The following RFTN1 variants were observed in gnomAD, a reference collection of about 807,000 sequenced individuals.
The protein encoded by RFTN1 is raftlin.
In RFTN1, 26 loss-of-function variants were observed where a neutral mutation model predicts 46.5. The ratio of observed to expected loss-of-function variants is 0.56; its 90% CI spans 0.41 to 0.78. RFTN1 has a LOEUF of 0.78. Among genes scored for constraint, RFTN1 ranks in the 30% least tolerant of loss-of-function variants. The pLI is 0.00. For synonymous variants in RFTN1, 261 were observed against 284.2 expected, an observed-to-expected ratio of 0.92 and a Z score of 0.82; for missense variants, 693 against 718.7, an observed-to-expected ratio of 0.96 and a Z score of 0.41.
intron 4 of RFTN1, among the ~76,000 whole-genome samples, 185 bp from the exon 5 acceptor site, chr3:16,378,287 C>T (rs528839484): frequency 6.6e-6 from 1 of 152,346 alleles, no homozygotes; most frequent in Admixed American, 6.5e-5. Context: ...CTGAAGAAGA[C>T]AGTTTTTTTA....
intron 3 of RFTN1, among the ~76,000 whole-genome samples, chr3:16,431,888 C>T (rs149907232): frequency 5.3e-5 from 8 of 152,316 alleles, no homozygotes; most frequent in African/African-American, 9.6e-5. Context: ...GAACTCAGCA[C>T]GTGCTTCATG....
chr3:16,392,207 G>T (rs1054283482), intron 4 of RFTN1, among the ~76,000 whole-genome samples: 2 of 152,136 alleles, frequency 1.3e-5, no homozygotes, highest in African/African-American at 2.4e-5. Context: ...TATGTGGGTT[G>T]TAATTCTGTC....
rs2073755782 is a variant in RFTN1, at chr3:16,376,016, T to C, written c.826+1702A>G. Among the ~76,000 whole-genome samples, 1 of 151,788 alleles carries C rather than the reference T, an allele frequency of 6.6e-6. No individual in the cohort carries two copies. Among genetic ancestry groups the C allele is most frequent in the Non-Finnish European group, 1.5e-5 (1 of 67,776 alleles). On this transcript the variant is annotated intron_variant, in intron 5 of 9. Transcript: ENST00000334133. This position sits in a 1 kb window ranked among gnomAD's most constrained non-coding sequence, Gnocchi z 4.7. ...GACAAGTTTCCCCAGTGAATAATCCTCTCACAGGAGGCAGGAAGTCTGGAA... is the reference window on the plus strand; with the variant it reads ...GACAAGTTTCCCCAGTGAATAATCCCCTCACAGGAGGCAGGAAGTCTGGAA...
intron 7 of RFTN1, among the ~76,000 whole-genome samples, chr3:16,333,532 GA>G (rs1187424299): frequency 6.6e-6 from 1 of 152,162 alleles, no homozygotes. Context: ...AAAAGAAATA[GA>G]TGCCTGTGTC....
intron 3 of RFTN1, among the ~76,000 whole-genome samples, chr3:16,412,330 T>G (rs188117486): frequency 6.6e-6 from 1 of 152,288 alleles, no homozygotes; most frequent in Admixed American, 6.5e-5. Context: ...CTAAACCCCT[T>G]GAGGACAGAT....
chr3:16,358,071 G>A (rs754874296), intron 6 of RFTN1, 24 bp from the exon 7 acceptor site: 3 of 1,307,020 alleles, frequency 2.3e-6, no homozygotes, highest in Non-Finnish European at 3.3e-6. Flanking sequence ...AAAAGGCGGG[G>A]GTGGGGGGGG....
intron 2 of RFTN1, 43 bp from the exon 3 acceptor site, chr3:16,434,080 C>T (rs115337402): frequency 2.9e-5 from 43 of 1,496,426 alleles, no homozygotes; most frequent in African/African-American, 5.6e-5. Context: ...CCCATCACAA[C>T]GCCCACTCAG....
At chr3:16,454,413 C>A (rs540363744) in intron 2 of RFTN1, among the ~76,000 whole-genome samples, 1 of 152,134 alleles carries the variant, frequency 6.6e-6, no homozygotes, top group South Asian at 2.1e-4. Context: ...CCAGGCTATC[C>A]CCAGATCTAC....
intron 7 of RFTN1, among the ~76,000 whole-genome samples, chr3:16,357,128 ACAAAAAAAC>A (rs1466366065): frequency 6.8e-5 from 6 of 88,376 alleles, no homozygotes; most frequent in South Asian, 3.0e-4. Flanking sequence ...AAAAAAAAAA[ACAAAAAAAC>A]AAACAAACAA....
At chr3:16,332,934 T>C (rs2070473381) in intron 7 of RFTN1, among the ~76,000 whole-genome samples, 1 of 152,206 alleles carries the variant, frequency 6.6e-6, no homozygotes, top group African/African-American at 2.4e-5. Flanking sequence ...TATTGAACCA[T>C]TGCCCATAAG....
chr3:16,368,771 C>T (rs556905300), intron 6 of RFTN1, among the ~76,000 whole-genome samples: 14 of 152,148 alleles, frequency 9.2e-5, no homozygotes, highest in African/African-American at 3.1e-4. Context: ...GTTATTTAAA[C>T]TTAATGAAAG....
At chr3:16,482,984 T>C in intron 2 of RFTN1, 1 of 633,052 alleles carries the variant, frequency 1.6e-6, no homozygotes, top group South Asian at 2.0e-5. Flanking sequence ...GCCTCCCTTC[T>C]AGCCATCCAC....
In RFTN1 at chr3:16,484,296, C is replaced by G. The variant is rs1333233979; in HGVS notation, c.145+9429G>C. Among the ~76,000 whole-genome samples the G allele has an allele frequency of 6.6e-6, 1 of 152,206 alleles. No individual in the cohort carries two copies. Among genetic ancestry groups the G allele is most frequent in the African/African-American group, 2.4e-5 (1 of 41,444 alleles). On this transcript the variant is annotated intron_variant, in intron 2 of 9. Coordinates refer to ENST00000334133, the MANE Select transcript of RFTN1 (RefSeq NM_015150.2). The surrounding 1 kb of genome is among the most constrained non-coding windows in gnomAD (Gnocchi z 4.6). ...AGTTGTGTGTCAGACTAACACCCCC[C>G]AGACTGGAGGTCAAAGAAAAACTGG...
rs182503430 is a variant in RFTN1, at chr3:16,425,853, G to T, written c.332+7998C>A. On this transcript the variant is annotated intron_variant, in intron 3 of 9. Transcript: ENST00000334133. This position sits in a 1 kb window ranked among gnomAD's most constrained non-coding sequence, Gnocchi z 4.3. ...TTGGTGATGCTGGACAGCTCCTCAG[G>T]GGGTACGGTGGCAGCCCGGAGAGCT... is the stretch of plus-strand genomic sequence containing the variant. Among the ~76,000 whole-genome samples, 4 of 152,224 alleles carry T rather than the reference G, an allele frequency of 2.6e-5. No individual in the cohort carries two copies. Among genetic ancestry groups the T allele is most frequent in the African/African-American group, 9.6e-5 (4 of 41,548 alleles).
chr3:16,438,541 T>G (rs1447263814), intron 2 of RFTN1, among the ~76,000 whole-genome samples: 1 of 117,056 alleles, frequency 8.5e-6, no homozygotes, highest in African/African-American at 3.3e-5. Flanking sequence ...GCTGAAATCG[T>G]GCCACTGCAC....
At chr3:16,405,336 C>T (rs1266658937) in intron 4 of RFTN1, among the ~76,000 whole-genome samples, 1 of 152,172 alleles carries the variant, frequency 6.6e-6, no homozygotes, top group East Asian at 1.9e-4. Context: ...CAAGTCTGCC[C>T]ATAGCTCTGC....
rs375712661 is a variant in RFTN1, at chr3:16,442,106, C to A, written c.146-8069G>T. On this transcript the variant is annotated intron_variant, in intron 2 of 9. Transcript: ENST00000334133. This position sits in a 1 kb window ranked among gnomAD's most constrained non-coding sequence, Gnocchi z 4.1. ...AGACTTCTGTCATCTTCTCATTAAA[C>A]AAACTCATGTATCTGAAACTTAAAA... Among the ~76,000 whole-genome samples, 27 of 152,222 alleles carry A rather than the reference C, an allele frequency of 1.8e-4. No homozygotes were observed. Among genetic ancestry groups the A allele is most frequent in the African/African-American group, 6.5e-4 (27 of 41,530 alleles).
intron 2 of RFTN1, among the ~76,000 whole-genome samples, chr3:16,462,188 G>C (rs886718565): frequency 6.6e-6 from 1 of 152,222 alleles, no homozygotes; most frequent in Non-Finnish European, 1.5e-5. Context: ...CTGTACAATG[G>C]TGGTAATAAG....
intron 1 of RFTN1, among the ~76,000 whole-genome samples, chr3:16,497,903 G>A (rs1372065664): frequency 6.6e-6 from 1 of 152,186 alleles, no homozygotes; most frequent in Non-Finnish European, 1.5e-5. Context: ...ATAGCAGAAA[G>A]GAGAGGGTTA....
Sources: allele counts gnomAD v4.1 joint callset (sites outside exome capture counted in the v4.1 genomes callset), GRCh38; gene constraint gnomAD v4.1.1; non-coding constraint Gnocchi (gnomAD v3.1); transcripts MANE v1.5; gene names NCBI Gene and HGNC (gene_info 2026-07-23, HGNC 2026-07-21).